The following ITPR1 variants were observed in gnomAD, a reference collection of about 807,000 sequenced individuals.
The protein encoded by ITPR1 is inositol 1,4,5-trisphosphate-gated calcium channel ITPR1.
ITPR1 carries 96 observed loss-of-function variants against 318.4 expected under a neutral mutation model. That is an observed-to-expected ratio of 0.30 (90% CI 0.26 to 0.36). The LOEUF is 0.36. ITPR1 is among the 10% of genes least tolerant of loss of function. ITPR1 has a pLI of 1.00. For synonymous variants in ITPR1, 1,312 were observed against 1,289.9 expected (o/e 1.02, Z -0.37); for missense variants, 2,440 against 3,460.2 (o/e 0.71, Z 7.40).
Position 4,846,267 on chromosome 3 carries a change from T to C in ITPR1, c.*42T>C. On this transcript the variant is annotated 3_prime_UTR_variant, in exon 62 of 62. Coordinates refer to ENST00000649015, the MANE Select transcript of ITPR1 (RefSeq NM_001378452.1). Reference sequence around the variant, plus strand: ...AATTGTATTTACCTTTTATAATTATTATTAGTGTGGGTATGGCTAATGAGT... The same window carrying C: ...AATTGTATTTACCTTTTATAATTATCATTAGTGTGGGTATGGCTAATGAGT... 5.2e-6 allele frequency: 7 copies of C among 1,346,230 alleles called. No homozygotes were observed. The highest frequency in any genetic ancestry group is 7.3e-6 in the Non-Finnish European group (7 of 961,666). The allele number at this position is 1,346,230 out of a possible 1,614,324, so 83.4% of individuals were successfully genotyped here.
At chr3:4,773,420 C>T (rs1269082812) in intron 46 of ITPR1, among the ~76,000 whole-genome samples, 1 of 152,196 alleles carries the variant, frequency 6.6e-6, no homozygotes, top group Non-Finnish European at 1.5e-5. Flanking sequence ...TAAGAGTTGC[C>T]TCTCAGATGT....
chr3:4,839,275 C>T lies in ITPR1; in HGVS notation c.8190+2340C>T, dbSNP rs146581405. ...CCAGGAGGCGGAGGTTGTGGTGAGC[C>T]GAGATCACGTCACTGCACTCCAGCC... On this transcript the variant is annotated intron_variant, in intron 61 of 61. Transcript: ENST00000649015. 9.3e-4 allele frequency among the ~76,000 whole-genome samples: 141 copies of T among 151,624 alleles called. 3 individuals are homozygous for T. In the East Asian group the frequency reaches 0.024, roughly 26 times the overall value.
intron 61 of ITPR1, among the ~76,000 whole-genome samples, chr3:4,843,817 AG>A (rs1370977714): frequency 6.6e-6 from 1 of 152,102 alleles, no homozygotes; most frequent in Non-Finnish European, 1.5e-5. Flanking sequence ...CGGCTGTGGA[AG>A]TGAAAAGGAA....
chr3:4,645,591 G>A lies in ITPR1; in HGVS notation c.718G>A (p.Val240Met), dbSNP rs747523849. 4.3e-6 allele frequency: 7 copies of A among 1,613,306 alleles called. No homozygotes were observed. Among genetic ancestry groups the A allele is most frequent in the Non-Finnish European group, 5.9e-6 (7 of 1,179,688 alleles). ...TTGTGTTGACTGTCAGGGTGACGTGGTGAGGCTGTTTCATGCTGAGCAGGA... is the reference window on the plus strand; with the variant it reads ...TTGTGTTGACTGTCAGGGTGACGTGATGAGGCTGTTTCATGCTGAGCAGGA... ...KDDILKGGDV[V>M]RLFHAEQEKF... The change falls in exon 10 of 62, where the codon GTG becomes ATG. Residue 240 changes from valine (V) to methionine (M), a missense_variant. By Grantham distance (21) the Val-to-Met change is conservative. Coordinates refer to ENST00000649015, the MANE Select transcript of ITPR1 (RefSeq NM_001378452.1).
chr3:4,731,678 T>C (rs1005961278), intron 42 of ITPR1, among the ~76,000 whole-genome samples: 5 of 152,186 alleles, frequency 3.3e-5, no homozygotes, highest in Admixed American at 6.5e-5. Flanking sequence ...TCTGGGACTT[T>C]CCATGGTTTT....
At chr3:4,552,037 T>C (rs1489885446) in intron 4 of ITPR1, among the ~76,000 whole-genome samples, 2 of 152,248 alleles carry the variant, frequency 1.3e-5, no homozygotes, top group Non-Finnish European at 2.9e-5. Context: ...TTTATCTGTT[T>C]TGTTTAGGAT....
chr3:4,843,173 C>A (rs1235885846), intron 61 of ITPR1, among the ~76,000 whole-genome samples: 1 of 148,302 alleles, frequency 6.7e-6, no homozygotes, highest in African/African-American at 2.5e-5. Context: ...TCTCCTTTAG[C>A]AGTCACTTAA....
chr3:4,505,365 G>A (rs150105481), intron 2 of ITPR1, among the ~76,000 whole-genome samples: 37 of 152,208 alleles, frequency 2.4e-4, no homozygotes, highest in African/African-American at 8.7e-4. Flanking sequence ...GCTAATTTTT[G>A]TATTCTTAGT....
intron 42 of ITPR1, among the ~76,000 whole-genome samples, chr3:4,728,461 G>A (rs543441584): frequency 5.9e-5 from 9 of 152,234 alleles, no homozygotes; most frequent in Non-Finnish European, 1.2e-4. Flanking sequence ...TTTTATTTTT[G>A]TGGGTACATA....
At chr3:4,689,867 A>T (rs544948627) in intron 31 of ITPR1, among the ~76,000 whole-genome samples, 1 of 152,372 alleles carries the variant, frequency 6.6e-6, no homozygotes, top group South Asian at 2.1e-4. Flanking sequence ...CATTAAGAGC[A>T]TCCAAAGGGG....
At chr3:4,720,030 G>T (rs949122432) in intron 40 of ITPR1, among the ~76,000 whole-genome samples, 3 of 152,210 alleles carry the variant, frequency 2.0e-5, no homozygotes, top group Non-Finnish European at 4.4e-5. Context: ...CCTAAATCAA[G>T]ACACAGAATG....
At chr3:4,739,960 G>T (rs1455336619) in intron 44 of ITPR1, among the ~76,000 whole-genome samples, 3 of 152,170 alleles carry the variant, frequency 2.0e-5, no homozygotes, top group African/African-American at 7.2e-5. Flanking sequence ...TGGGTTCTGA[G>T]AAACAGTGTT....
intron 20 of ITPR1, among the ~76,000 whole-genome samples, chr3:4,672,305 A>C (rs1340467018): frequency 6.6e-6 from 1 of 152,236 alleles, no homozygotes; most frequent in Non-Finnish European, 1.5e-5. Context: ...TTAACCTTGA[A>C]TATCATGATG....
At chr3:4,765,791 A>C (rs755125173) in intron 44 of ITPR1, among the ~76,000 whole-genome samples, 6 of 152,228 alleles carry the variant, frequency 3.9e-5, no homozygotes, top group Non-Finnish European at 8.8e-5. Flanking sequence ...GTGTTTTTCC[A>C]TCAACAGTGT....
intron 30 of ITPR1, among the ~76,000 whole-genome samples, chr3:4,686,346 G>A (rs75281864): frequency 2.8e-3 from 424 of 152,330 alleles, no homozygotes; most frequent in African/African-American, 9.8e-3. Context: ...TAAAGTCCAA[G>A]CTTAATCCCT....
At chr3:4,746,892 C>T (rs530838954) in intron 44 of ITPR1, among the ~76,000 whole-genome samples, 7 of 152,272 alleles carry the variant, frequency 4.6e-5, no homozygotes, top group South Asian at 4.2e-4. Context: ...CACTTTCTTC[C>T]GGGGTCAAGT....
At chr3:4,814,875 G>T in intron 58 of ITPR1, 178 bp from the exon 59 acceptor site, 1 of 633,644 alleles carries the variant, frequency 1.6e-6, no homozygotes, top group Non-Finnish European at 2.8e-6. Context: ...CACCACACTT[G>T]GAGAAGTCGC....
intron 14 of ITPR1, 67 bp from the exon 15 acceptor site, chr3:4,662,015 G>A: frequency 7.3e-7 from 1 of 1,367,212 alleles, no homozygotes; most frequent in Non-Finnish European, 1.0e-6. Context: ...CGTAAATGTA[G>A]TGTTTGATTA....
chr3:4,586,718 A>C (rs2089943030), intron 4 of ITPR1, among the ~76,000 whole-genome samples: 1 of 141,406 alleles, frequency 7.1e-6, no homozygotes. Context: ...TGTGTTGCCC[A>C]GGCTGGATTT....
Sources: allele counts gnomAD v4.1 joint callset (sites outside exome capture counted in the v4.1 genomes callset), GRCh38; gene constraint gnomAD v4.1.1; transcripts MANE v1.5; gene names NCBI Gene and HGNC (gene_info 2026-07-23, HGNC 2026-07-21).